The following LRP1B variants were observed in gnomAD, a reference collection of about 807,000 sequenced individuals.
The protein encoded by LRP1B is LDL receptor related protein 1B, also known as low-density lipoprotein receptor-related protein 1B.
LRP1B carries 217 observed loss-of-function variants against 556.6 expected under a neutral mutation model. The ratio of observed to expected loss-of-function variants is 0.39; its 90% CI spans 0.35 to 0.44. LRP1B has a LOEUF of 0.44. LRP1B is among the 20% of genes least tolerant of loss of function. LRP1B has a pLI of 1.00. For missense variants in LRP1B, 5,053 were observed against 5,620.8 expected (o/e 0.90, Z 3.23); for synonymous variants, 2,047 against 1,865.8 (o/e 1.10, Z -2.50).
At chr2:140,253,222 C>G (rs1304936447) in intron 86 of LRP1B, among the ~76,000 whole-genome samples, 1 of 151,818 alleles carries the variant, frequency 6.6e-6, no homozygotes, top group Admixed American at 6.6e-5. Flanking sequence ...ATCAGTAAGT[C>G]AAAACTAAAT....
At chr2:141,254,703 C>A in intron 3 of LRP1B, 62 bp from the exon 4 acceptor site, 1 of 1,334,104 alleles carries the variant, frequency 7.5e-7, no homozygotes, top group Non-Finnish European at 1.0e-6. Context: ...GTTTGTATTT[C>A]TCAGTGTACA....
At chr2:140,858,823 G>T (rs141379589) in intron 27 of LRP1B, among the ~76,000 whole-genome samples, 1 of 151,914 alleles carries the variant, frequency 6.6e-6, no homozygotes, top group African/African-American at 2.4e-5. Flanking sequence ...TTATAAGTGC[G>T]AATATGTGGT....
intron 66 of LRP1B, among the ~76,000 whole-genome samples, chr2:140,440,743 A>ATGTGTGTGTGTGTGTGTGTGTGTG (rs375585057): frequency 0.025 from 3,829 of 150,544 alleles, 93 homozygotes; most frequent in African/African-American, 0.066. Context: ...CTCTGTATGT[A>ATGTGTGTGTGTGTGTGTGTGTGTG]TGTGTGTGTG....
At chr2:140,517,425 A>T (rs1689956048) in intron 49 of LRP1B, among the ~76,000 whole-genome samples, 1 of 152,128 alleles carries the variant, frequency 6.6e-6, no homozygotes, top group Non-Finnish European at 1.5e-5. Flanking sequence ...AAAATAATAA[A>T]ATTAATACAT....
chr2:141,836,503 A>G (rs2105753363), intron 1 of LRP1B, among the ~76,000 whole-genome samples: 1 of 151,902 alleles, frequency 6.6e-6, no homozygotes, highest in South Asian at 2.1e-4. Context: ...CCTTCCTCTA[A>G]GCAGAATCAA....
At chr2:141,122,239 A>C (rs1558875377) in intron 7 of LRP1B, among the ~76,000 whole-genome samples, 1 of 152,180 alleles carries the variant, frequency 6.6e-6, no homozygotes, top group East Asian at 1.9e-4. Flanking sequence ...ACAAAAGCCA[A>C]AATTGACAAG....
intron 7 of LRP1B, among the ~76,000 whole-genome samples, chr2:141,106,613 C>G (rs1700608734): frequency 6.6e-6 from 1 of 152,108 alleles, no homozygotes; most frequent in African/African-American, 2.4e-5. Context: ...ATCAAAATGT[C>G]TACAAATGTA....
At chr2:141,121,554 A>T (rs1701048758) in intron 7 of LRP1B, among the ~76,000 whole-genome samples, 1 of 152,036 alleles carries the variant, frequency 6.6e-6, no homozygotes, top group Non-Finnish European at 1.5e-5. Flanking sequence ...GATGTGAAGG[A>T]CCTCTTCAAG....
chr2:141,341,190 G>A (rs1391241219), intron 3 of LRP1B, among the ~76,000 whole-genome samples: 1 of 152,182 alleles, frequency 6.6e-6, no homozygotes, highest in Non-Finnish European at 1.5e-5. Context: ...AGATGAAGTA[G>A]TGTTTAGCAT....
chr2:140,748,314 C>CATATATAATATATATTATATTT (rs1688404357), intron 35 of LRP1B, among the ~76,000 whole-genome samples: 1 of 123,814 alleles, frequency 8.1e-6, no homozygotes, highest in Admixed American at 9.6e-5. Flanking sequence ...ATATTATATT[C>CATATATAATATATATTATATTT]ATATATAATA....
At chr2:140,323,614 T>C (rs546508734) in intron 81 of LRP1B, among the ~76,000 whole-genome samples, 1 of 151,706 alleles carries the variant, frequency 6.6e-6, no homozygotes, top group East Asian at 1.9e-4. Context: ...AATAATAAAA[T>C]AAAAGAATTT....
intron 2 of LRP1B, among the ~76,000 whole-genome samples, chr2:141,625,564 G>A (rs1412481461): frequency 6.6e-6 from 1 of 151,994 alleles, no homozygotes; most frequent in African/African-American, 2.4e-5. Context: ...CTTCTTGAGG[G>A]TAGAGACTCT....
At chr2:140,943,693 C>T (rs1695463823) in intron 20 of LRP1B, among the ~76,000 whole-genome samples, 1 of 151,908 alleles carries the variant, frequency 6.6e-6, no homozygotes, top group South Asian at 2.1e-4. Context: ...AAAGTGAAGG[C>T]AGATATTTAA....
intron 1 of LRP1B, among the ~76,000 whole-genome samples, chr2:141,928,590 A>T (rs1342412293): frequency 6.6e-6 from 1 of 152,154 alleles, no homozygotes; most frequent in Non-Finnish European, 1.5e-5. Context: ...TGAGTCAAAC[A>T]TATTGGTATC....
intron 3 of LRP1B, among the ~76,000 whole-genome samples, chr2:141,304,475 ATTTTT>A (rs67213971): frequency 2.4e-5 from 2 of 83,852 alleles, no homozygotes; most frequent in East Asian, 3.5e-4. Context: ...AGTTTCATTC[ATTTTT>A]TTTTTTTTTT....
At chr2:141,772,746 A>T (rs946799919) in intron 2 of LRP1B, among the ~76,000 whole-genome samples, 1 of 152,194 alleles carries the variant, frequency 6.6e-6, no homozygotes, top group Admixed American at 6.5e-5. Context: ...TAAGATACCT[A>T]GGAATGTTTG....
At chr2:140,742,184 T>C (rs1448027719) in intron 35 of LRP1B, among the ~76,000 whole-genome samples, 2 of 152,196 alleles carry the variant, frequency 1.3e-5, no homozygotes, top group Non-Finnish European at 2.9e-5. Flanking sequence ...GAAGGTCTTC[T>C]CGTATTTGTC....
chr2:141,694,166 T>C (rs985670189), intron 2 of LRP1B, among the ~76,000 whole-genome samples: 2 of 152,056 alleles, frequency 1.3e-5, no homozygotes, highest in East Asian at 1.9e-4. Flanking sequence ...TAAGCCTTGG[T>C]TTCTTCACCC....
intron 27 of LRP1B, among the ~76,000 whole-genome samples, chr2:140,867,211 T>C (rs1692977686): frequency 6.6e-6 from 1 of 151,942 alleles, no homozygotes; most frequent in Non-Finnish European, 1.5e-5. Context: ...AGGTAGCACA[T>C]ATGGGCCTGT....
Sources: gnomAD v4.1 joint callset for allele counts (sites outside exome capture counted in the v4.1 genomes callset) on GRCh38, gnomAD v4.1.1 for gene constraint, MANE v1.5 for transcripts, NCBI Gene and HGNC (gene_info 2026-07-23, HGNC 2026-07-21) for gene names.